The following INHBA variants were observed in gnomAD, a reference collection of about 807,000 sequenced individuals.
The protein encoded by INHBA is inhibin beta A chain.
A neutral mutation model predicts 29.0 loss-of-function variants in INHBA; 1 was observed. The ratio of observed to expected loss-of-function variants is 0.03; its 90% CI spans 0.01 to 0.16. The LOEUF is 0.16. Ranked by LOEUF, INHBA falls within the 10% of genes least tolerant of loss-of-function variation. INHBA has a pLI of 1.00. For missense variants in INHBA, 376 were observed against 545.4 expected, an observed-to-expected ratio of 0.69 and a Z score of 3.09; for synonymous variants, 242 against 216.8, an observed-to-expected ratio of 1.12 and a Z score of -1.02.
chr7:41,700,478 T>TC lies in INHBA; in HGVS notation c.-105_-104insG. Reference sequence around the variant, plus strand: ...GTGTGTGGATTTTTTTATTTTTTTTTTTGGTGTTTTTTTTTTCCTTCTCCT... The same window carrying TC: ...GTGTGTGGATTTTTTTATTTTTTTTTCTTGGTGTTTTTTTTTTCCTTCTCCT... On this transcript the variant is annotated 5_prime_UTR_variant, in exon 2 of 3. Coordinates refer to ENST00000242208, the MANE Select transcript of INHBA (RefSeq NM_002192.4). 1 of 1,190,876 alleles carries TC rather than the reference T, an allele frequency of 8.4e-7. No individual in the cohort carries two copies. Among genetic ancestry groups the TC allele is most frequent in the Admixed American group, 2.9e-5 (1 of 34,810 alleles). The allele number at this position is 1,190,876 out of a possible 1,614,324, so 73.8% of individuals were successfully genotyped here.
At position 41,689,984 on chromosome 7, in the gene INHBA, C is replaced by T; in HGVS notation, c.947G>A (p.Gly316Asp). Reference protein sequence around the residue: ...RRRRRGLECDGKVNICCKKQF... With the variant: ...RRRRRGLECDDKVNICCKKQF... ...TTTCTTACAGCAGATGTTGACCTTGCCATCACACTCCAAGCCCCGCCGACG... is the reference window on the plus strand; with the variant it reads ...TTTCTTACAGCAGATGTTGACCTTGTCATCACACTCCAAGCCCCGCCGACG... Residue 316 changes from glycine (G) to aspartate (D), a missense_variant, in exon 3 of 3, where the codon GGC (glycine) becomes GAC (aspartate). Coordinates refer to ENST00000242208, the MANE Select transcript of INHBA (RefSeq NM_002192.4). 1 of 1,614,024 alleles carries T rather than the reference C, an allele frequency of 6.2e-7. No individual in the cohort carries two copies. The highest frequency in any genetic ancestry group is 8.5e-7 in the Non-Finnish European group (1 of 1,180,038).
intron 2 of INHBA, among the ~76,000 whole-genome samples, chr7:41,690,952 A>G (rs1371152252): frequency 1.3e-5 from 2 of 152,184 alleles, no homozygotes; most frequent in African/African-American, 2.4e-5. Flanking sequence ...CCTTTATAGA[A>G]AAAAGGTTTT....
intron 2 of INHBA, among the ~76,000 whole-genome samples, chr7:41,698,438 G>C (rs769739594): frequency 6.6e-6 from 1 of 152,138 alleles, no homozygotes; most frequent in Non-Finnish European, 1.5e-5. Context: ...CACATGCACA[G>C]CCAAATATTG....
intron 2 of INHBA, among the ~76,000 whole-genome samples, chr7:41,695,184 G>A (rs943324978): frequency 2.0e-5 from 3 of 152,152 alleles, no homozygotes; most frequent in African/African-American, 7.2e-5. Flanking sequence ...CCTCACCAGG[G>A]TCCTGCTTAA....
rs1256202147 is a variant in INHBA at position 41,687,633 on chromosome 7, T to A, written c.*2017A>T. 1 of 152,112 alleles carries A rather than the reference T, an allele frequency of 6.6e-6. No homozygotes were observed. The highest frequency in any genetic ancestry group is 6.6e-5 in the Admixed American group (1 of 15,260). The allele number at this position is 152,112 out of a possible 1,614,324, so 9.4% of individuals were successfully genotyped here. On this transcript the variant is annotated 3_prime_UTR_variant, in exon 3 of 3. Transcript: ENST00000242208. ...TGGCTGTAAATTAAAATTTTAGAGA[T>A]TTTTACTACTGCCCTCACCTCTGCC...
Position 41,692,074 on chromosome 7 carries a change from G to C in INHBA, c.389-1532C>G, listed in dbSNP as rs1794536528. On this transcript the variant is annotated intron_variant, in intron 2 of 2. Coordinates refer to ENST00000242208, the MANE Select transcript of INHBA (RefSeq NM_002192.4). ...TTTCCTTCTCTTTTCCTAAGCAACT[G>C]TATGTTTAATGACACAGCAACAATT... 2.0e-5 allele frequency: 3 copies of C among 152,296 alleles called. No individual in the cohort carries two copies. The South Asian group carries it at 6.2e-4, about 32-fold the overall frequency. The allele number at this position is 152,296 out of a possible 1,614,324, so 9.4% of individuals were successfully genotyped here.
In INHBA at chr7:41,689,316, CA is replaced by C. The variant is rs1223516421; in HGVS notation, c.*333del. 8 of 279,506 alleles carry C rather than the reference CA, an allele frequency of 2.9e-5. No individual in the cohort carries two copies. Among genetic ancestry groups the C allele is most frequent in the East Asian group, 2.8e-4 (5 of 17,880 alleles). The allele number at this position is 279,506 out of a possible 1,614,324, so 17.3% of individuals were successfully genotyped here. A position where few individuals can be genotyped will look rare whatever the true frequency, so the allele number is the denominator to read the frequency against. On this transcript the variant is annotated 3_prime_UTR_variant, in exon 3 of 3. Transcript: ENST00000242208. ...TGATTCAAGGCTCACAAGGGAACCT[CA>C]AGGGGGGAAAGGACAATACCCCGTT...
rs543050983 is a variant in INHBA at position 41,695,641 on chromosome 7, G to A, written c.388+4346C>T. Among the ~76,000 whole-genome samples the A allele has an allele frequency of 1.4e-4, 21 of 152,252 alleles. No homozygotes were observed. The South Asian group carries it at 3.5e-3, about 25-fold the overall frequency. On this transcript the variant is annotated intron_variant, in intron 2 of 2. Transcript: ENST00000242208. ...GATTTATAAATGCCCTGGCACAAAC[G>A]TCCATCATCCATGCCTCTTCCATTA...
chr7:41,696,632 C>T (rs891039189), intron 2 of INHBA, among the ~76,000 whole-genome samples: 3 of 152,190 alleles, frequency 2.0e-5, no homozygotes, highest in African/African-American at 7.2e-5. Context: ...TGTGGCCGCT[C>T]TTCCCCATTA....
chr7:41,692,088 A>T (rs1794536967), intron 2 of INHBA: 1 of 152,260 alleles, frequency 6.6e-6, no homozygotes, highest in African/African-American at 2.4e-5. Context: ...GTTTAATGAC[A>T]CAGCAACAAT....
chr7:41,701,635 A>G (rs1794797535), intron 1 of INHBA, among the ~76,000 whole-genome samples: 1 of 152,244 alleles, frequency 6.6e-6, no homozygotes, highest in East Asian at 1.9e-4. Flanking sequence ...CTCACACATT[A>G]CAGCCTACCA....
intron 2 of INHBA, among the ~76,000 whole-genome samples, chr7:41,698,586 G>A (rs974740958): frequency 5.3e-5 from 8 of 152,140 alleles, no homozygotes; most frequent in Admixed American, 3.3e-4. Context: ...GCCTTTTGGG[G>A]CTGGGTTAAG....
In INHBA at chr7:41,700,381, A is replaced by C. The variant is rs781558777; in HGVS notation, c.-7T>G. The C allele has an allele frequency of 1.4e-5, 20 of 1,450,438 alleles. No homozygotes were observed. Among genetic ancestry groups the C allele is most frequent in the African/African-American group, 2.8e-5 (2 of 71,092 alleles). The allele number at this position is 1,450,438 out of a possible 1,614,324, so 89.8% of individuals were successfully genotyped here. Reference sequence around the variant, plus strand: ...TCAGCCAAAGCAAGGGCATCCTGGCAGCAAAAGTTGTTGTGATTGCCTTTT... The same window carrying C: ...TCAGCCAAAGCAAGGGCATCCTGGCCGCAAAAGTTGTTGTGATTGCCTTTT... On this transcript the variant is annotated 5_prime_UTR_variant, in exon 2 of 3. Coordinates refer to ENST00000242208, the MANE Select transcript of INHBA (RefSeq NM_002192.4).
At chr7:41,701,559 C>T (rs1259281329) in intron 1 of INHBA, among the ~76,000 whole-genome samples, 1 of 152,156 alleles carries the variant, frequency 6.6e-6, no homozygotes, top group African/African-American at 2.4e-5. Context: ...GTCACAAGCC[C>T]AAGTTCCAGA....
rs1794394734 is a variant in INHBA, at chr7:41,686,436, C to T, written c.*3214G>A. 6.6e-6 allele frequency: 1 copy of T among 152,072 alleles called. No homozygotes were observed. The highest frequency in any genetic ancestry group is 1.5e-5 in the Non-Finnish European group (1 of 67,982). 9.4% of individuals were successfully genotyped at this position (152,072 alleles called of 1,614,324 possible). On this transcript the variant is annotated 3_prime_UTR_variant, in exon 3 of 3. Transcript: ENST00000242208. ...GAAAAAAACATACTACTAAGAATCC[C>T]ATATGTTATAATTTAAAGCCTTTAC...
At chr7:41,702,726 T>C (rs2128672132) in intron 1 of INHBA, among the ~76,000 whole-genome samples, 1 of 152,340 alleles carries the variant, frequency 6.6e-6, no homozygotes, top group African/African-American at 2.4e-5. Flanking sequence ...CATCTGAGTA[T>C]GTGTGTGTTC....
chr7:41,690,082 C>T lies in INHBA; in HGVS notation c.849G>A (p.Glu283=). ...GGGEGGAGAD[E]EKEQSHRPFL... ...AAGGTCTGTGCGACTGCTCCTTTTC[C>T]TCATCTGCTCCTGCCCCACCTTCAC... The change falls in exon 3 of 3, where the codon GAG becomes GAA. Residue 283 remains glutamate (E), a synonymous_variant. Transcript: ENST00000242208. 1 of 1,613,910 alleles carries T rather than the reference C, an allele frequency of 6.2e-7. No individual in the cohort carries two copies. The highest frequency in any genetic ancestry group is 8.5e-7 in the Non-Finnish European group (1 of 1,180,000).
intron 2 of INHBA, 46 bp downstream of exon 2, chr7:41,699,937 ACCCT>A: frequency 7.8e-6 from 2 of 255,220 alleles, no homozygotes; most frequent in Non-Finnish European, 1.6e-5. Context: ...AATATATTTT[ACCCT>A]CCCACCCCCC....
intron 2 of INHBA, 123 bp downstream of exon 2, chr7:41,699,864 A>G: frequency 1.4e-6 from 1 of 729,680 alleles, no homozygotes; most frequent in Non-Finnish European, 2.2e-6. Context: ...CCTAATAACT[A>G]ATAACCTTCC....
Sources: allele counts gnomAD v4.1 joint callset (sites outside exome capture counted in the v4.1 genomes callset), GRCh38; gene constraint gnomAD v4.1.1; transcripts MANE v1.5; gene names NCBI Gene and HGNC (gene_info 2026-07-23, HGNC 2026-07-21).